The following AHRR variants were observed in gnomAD, a reference collection of about 807,000 sequenced individuals.
AHRR encodes the protein aryl hydrocarbon receptor repressor.
AHRR carries 28 observed loss-of-function variants against 44.0 expected under a neutral mutation model. The observed-to-expected ratio is 0.64, with a 90% CI of 0.47 to 0.87. The LOEUF (loss-of-function observed/expected upper bound fraction) is 0.87. Ranked by LOEUF, AHRR falls within the 40% of genes least tolerant of loss-of-function variation. AHRR has a pLI of 0.00. For missense variants in AHRR, 990 were observed against 953.9 expected, an observed-to-expected ratio of 1.04 and a Z score of -0.50; for synonymous variants, 434 against 407.0, an observed-to-expected ratio of 1.07 and a Z score of -0.80.
intron 5 of AHRR, 34 bp from the exon 6 acceptor site, chr5:422,695 G>C (rs1416770603): frequency 6.2e-7 from 1 of 1,613,956 alleles, no homozygotes; most frequent in Non-Finnish European, 8.5e-7. Context: ...GCCACTTGGG[G>C]TAAGGCTGAA....
At chr5:382,623 T>A (rs1734029992) in intron 4 of AHRR, among the ~76,000 whole-genome samples, 1 of 152,170 alleles carries the variant, frequency 6.6e-6, no homozygotes, top group South Asian at 2.1e-4. Flanking sequence ...CTGTTTCCAA[T>A]TTTATTGGTA....
rs766560688 is a variant in AHRR, at chr5:388,802, G to T, written c.351+12086G>T. Among the ~76,000 whole-genome samples, 3 of 152,226 alleles carry T rather than the reference G, an allele frequency of 2.0e-5. No individual in the cohort carries two copies. The highest frequency in any genetic ancestry group is 4.4e-5 in the Non-Finnish European group (3 of 68,034). ...AGCCACTGGGCAGAGGTTCCGTCCC[G>T]CTGGCTGGATGGAAACAGGAAGCTG... On this transcript the variant is annotated intron_variant, in intron 4 of 10. Transcript: ENST00000684583. This position sits in a 1 kb window ranked among gnomAD's most constrained non-coding sequence, Gnocchi z 5.2.
chr5:434,415 G>A lies in AHRR; in HGVS notation c.1675G>A (p.Asp559Asn), dbSNP rs530800398. ...VPSQVWLGAS[D>N]RSHPATFPTR... ...CAGCCAGGTGTGGCTGGGGGCCAGT[G>A]ACAGGAGCCACCCAGCCACCTTCCC... The change falls in exon 11 of 11, where the codon GAC becomes AAC. Residue 559 changes from aspartate (D) to asparagine (N), a missense_variant. Physicochemically the swap from Asp to Asn is conservative, Grantham distance 23 (BLOSUM62 1). Coordinates refer to ENST00000684583, the MANE Select transcript of AHRR (RefSeq NM_001377236.1). The A allele has an allele frequency of 2.5e-6, 4 of 1,613,298 alleles. No homozygotes were observed. The highest frequency in any genetic ancestry group is 4.5e-5 in the East Asian group (2 of 44,872).
chr5:412,611 A>T (rs1735508887), intron 4 of AHRR, among the ~76,000 whole-genome samples: 1 of 152,152 alleles, frequency 6.6e-6, no homozygotes, highest in South Asian at 2.1e-4. Flanking sequence ...TACAAGAATG[A>T]TGCATCATCA....
rs554712498 is a variant in AHRR at position 325,886 on chromosome 5, G to A, written c.-11+4067G>A. 4.8e-4 allele frequency among the ~76,000 whole-genome samples: 73 copies of A among 152,186 alleles called. 1 individual carries two copies. Among genetic ancestry groups the A allele is most frequent in the Non-Finnish European group, 8.5e-4 (58 of 68,000 alleles). On this transcript the variant is annotated intron_variant, in intron 1 of 10. Coordinates refer to ENST00000684583, the MANE Select transcript of AHRR (RefSeq NM_001377236.1). ...CTACCTCCACCTCCTGGGTTCAAGC[G>A]ATTCTCCTGCCTTAGCCTCCCGAGT...
chr5:413,290 T>C, intron 4 of AHRR, 54 bp from the exon 5 acceptor site: 1 of 1,332,390 alleles, frequency 7.5e-7, no homozygotes, highest in Non-Finnish European at 1.1e-6. Context: ...CTTGCACTTT[T>C]TCATTTTGGG....
intron 1 of AHRR, among the ~76,000 whole-genome samples, chr5:325,843 C>A (rs570800535): frequency 6.6e-6 from 1 of 152,088 alleles, no homozygotes; most frequent in Non-Finnish European, 1.5e-5. Flanking sequence ...AGTGCAGTGG[C>A]GTGATCTTGG....
intron 3 of AHRR, among the ~76,000 whole-genome samples, chr5:367,195 C>T (rs1217128268): frequency 6.6e-6 from 1 of 152,192 alleles, no homozygotes; most frequent in Non-Finnish European, 1.5e-5. Context: ...AGATCCCCAG[C>T]TGCTCCCACC....
Position 353,913 on chromosome 5 carries a change from T to C in AHRR, c.244+2T>C. 6.2e-7 allele frequency: 1 copy of C among 1,611,716 alleles called. No homozygotes were observed. Among genetic ancestry groups the C allele is most frequent in the Non-Finnish European group, 8.5e-7 (1 of 1,178,654 alleles). ...TCCGGGTGAAGAGCTTCTTCCAAGG[T>C]AGGACTCTCACCTGCTCCCACCTGT... On this transcript the variant is annotated splice_donor_variant, in intron 3 of 10. Transcript: ENST00000684583. LOFTEE classifies it high-confidence loss of function.
intron 3 of AHRR, among the ~76,000 whole-genome samples, chr5:362,751 C>G (rs1214117114): frequency 1.3e-5 from 2 of 152,182 alleles, no homozygotes; most frequent in Non-Finnish European, 2.9e-5. Flanking sequence ...CTTTTCCTAC[C>G]TCTTTTAACT....
At chr5:339,822 T>C (rs1263738682) in intron 1 of AHRR, among the ~76,000 whole-genome samples, 1 of 152,236 alleles carries the variant, frequency 6.6e-6, no homozygotes, top group East Asian at 1.9e-4. Context: ...TTCTTTTTAG[T>C]TTATTATTAT....
intron 4 of AHRR, among the ~76,000 whole-genome samples, chr5:378,984 C>T (rs958405121): frequency 3.2e-4 from 48 of 152,174 alleles, no homozygotes; most frequent in Admixed American, 1.2e-3. Flanking sequence ...TGACTGCCAC[C>T]GTCATGAAGA....
chr5:339,456 G>A (rs527534690), intron 1 of AHRR, among the ~76,000 whole-genome samples: 7 of 152,302 alleles, frequency 4.6e-5, no homozygotes, highest in South Asian at 2.1e-4. Context: ...TCATGTCTGC[G>A]AACAGATAGA....
intron 4 of AHRR, among the ~76,000 whole-genome samples, chr5:401,170 C>T (rs555774311): frequency 4.6e-5 from 7 of 152,330 alleles, no homozygotes; most frequent in South Asian, 2.1e-4. Context: ...CCTTGGGGTG[C>T]ACCCCACGTC....
chr5:432,297 C>A (rs765723816), intron 8 of AHRR, 166 bp from the exon 9 acceptor site: 1 of 643,006 alleles, frequency 1.6e-6, no homozygotes, highest in Non-Finnish European at 2.7e-6. Context: ...AAATAACTTT[C>A]CACACTATAA....
intron 3 of AHRR, among the ~76,000 whole-genome samples, chr5:373,752 G>C (rs1743664007): frequency 6.6e-6 from 1 of 151,594 alleles, no homozygotes; most frequent in Non-Finnish European, 1.5e-5. Context: ...CCCGCCCCGT[G>C]TGCACCCGGA....
In AHRR at chr5:405,208, C is replaced by T. The variant is rs957401063; in HGVS notation, c.352-8136C>T. On this transcript the variant is annotated intron_variant, in intron 4 of 10. Transcript: ENST00000684583. The surrounding 1 kb of genome is among the most constrained non-coding windows in gnomAD (Gnocchi z 4.5). ...TTCACCAGACTTTCTGCTCACGACC[C>T]AAAGAGGTTAGCATGGAACCAACCC... Among the ~76,000 whole-genome samples, 7 of 152,072 alleles carry T rather than the reference C, an allele frequency of 4.6e-5. No homozygotes were observed. The highest frequency in any genetic ancestry group is 8.8e-5 in the Non-Finnish European group (6 of 68,018).
chr5:418,153 G>A (rs954203561), intron 5 of AHRR, among the ~76,000 whole-genome samples: 1 of 152,170 alleles, frequency 6.6e-6, no homozygotes, highest in African/African-American at 2.4e-5. Flanking sequence ...ATTGAAATTG[G>A]AAATGATTTT....
In AHRR at chr5:434,153, C is replaced by A; in HGVS notation, c.1413C>A (p.Val471=). ...SSRTSRPMRD[V]GEDQVHPPLC... is the part of the protein sequence containing the mutation. ...GGACCAGCAGACCCATGCGGGATGT[C>A]GGTGAGGACCAGGTGCACCCTCCCC... Residue 471 remains valine, a synonymous_variant, in exon 11 of 11, where the codon GTC becomes GTA. Coordinates refer to ENST00000684583, the MANE Select transcript of AHRR (RefSeq NM_001377236.1). 6.2e-7 allele frequency: 1 copy of A among 1,607,910 alleles called. No homozygotes were observed. The highest frequency in any genetic ancestry group is 8.5e-7 in the Non-Finnish European group (1 of 1,177,636).
Sources: gnomAD v4.1 joint callset for allele counts (sites outside exome capture counted in the v4.1 genomes callset) on GRCh38, gnomAD v4.1.1 for gene constraint, Gnocchi (gnomAD v3.1) non-coding constraint, MANE v1.5 for transcripts, NCBI Gene and HGNC (gene_info 2026-07-23, HGNC 2026-07-21) for gene names.